Variants in LRMDA observed in about 807,000 individuals in gnomAD.
LRMDA encodes leucine rich melanocyte differentiation associated, also known as leucine-rich melanocyte differentiation-associated protein.
A neutral mutation model predicts 29.8 loss-of-function variants in LRMDA; 18 were observed. That is an observed-to-expected ratio of 0.60 (90% confidence interval 0.42 to 0.90). LRMDA has a LOEUF of 0.90. LRMDA is among the 40% of genes least tolerant of loss of function. The pLI is 0.00. For missense variants in LRMDA, 273 were observed against 273.9 expected (o/e 1.00, Z 0.02); for synonymous variants, 125 against 109.4 (o/e 1.14, Z -0.89).
intron 6 of LRMDA, among the ~76,000 whole-genome samples, chr10:76,479,288 AT>A (rs916481244): frequency 2.0e-5 from 3 of 151,810 alleles, no homozygotes; most frequent in Admixed American, 6.6e-5. Flanking sequence ...GTACTAGGCA[AT>A]GTGGGGCAAG....
At chr10:76,541,152 T>C (rs1843349734) in intron 6 of LRMDA, among the ~76,000 whole-genome samples, 1 of 152,166 alleles carries the variant, frequency 6.6e-6, no homozygotes, top group African/African-American at 2.4e-5. Flanking sequence ...AGGGATCTTC[T>C]AGGCTGGTGA....
intron 5 of LRMDA, among the ~76,000 whole-genome samples, chr10:76,184,096 T>C (rs1468045499): frequency 6.6e-6 from 1 of 151,404 alleles, no homozygotes; most frequent in Non-Finnish European, 1.5e-5. Context: ...AGTGGCACAA[T>C]CTCAGCTCAC....
rs77751345 is a variant in LRMDA at position 75,601,159 on chromosome 10, G to A, written c.131+162665G>A. The A allele has an allele frequency of 2.5e-3, 383 of 152,278 alleles. 5 individuals carry two copies. Among genetic ancestry groups the A allele is most frequent in the African/African-American group, 9.1e-3 (378 of 41,558 alleles). 9.4% of individuals were successfully genotyped at this position (152,278 alleles called of 1,614,324 possible). A position where few individuals can be genotyped will look rare whatever the true frequency, so the allele number is the denominator to read the frequency against. The stretch of plus-strand genomic sequence containing the variant: ...AGGGTTTGTAAAGTGAAGCTGTCAC[G>A]GGGACTCTGCGTGTTTGCTAATTAT... On this transcript the variant is annotated intron_variant, in intron 2 of 6. Coordinates refer to ENST00000611255, the MANE Select transcript of LRMDA (RefSeq NM_001305581.2).
chr10:75,803,328 A>G (rs1296182742), intron 2 of LRMDA, among the ~76,000 whole-genome samples: 2 of 152,194 alleles, frequency 1.3e-5, no homozygotes, highest in Non-Finnish European at 2.9e-5. Flanking sequence ...ATGGTGACAC[A>G]TTTCACAGGT....
intron 2 of LRMDA, among the ~76,000 whole-genome samples, chr10:75,875,599 A>AT (rs1414984207): frequency 6.6e-6 from 1 of 151,940 alleles, no homozygotes; most frequent in East Asian, 1.9e-4. Flanking sequence ...TGCCCAGCTA[A>AT]TTTTTTGCAT....
At chr10:75,598,541 A>G (rs1162315097) in intron 2 of LRMDA, among the ~76,000 whole-genome samples, 1 of 146,988 alleles carries the variant, frequency 6.8e-6, no homozygotes, top group Admixed American at 6.8e-5. Flanking sequence ...TTATTTAAAG[A>G]AAAAAAAAAA....
At chr10:76,018,611 A>C (rs1329041951) in intron 2 of LRMDA, among the ~76,000 whole-genome samples, 1 of 139,294 alleles carries the variant, frequency 7.2e-6, no homozygotes, top group African/African-American at 2.8e-5. Context: ...CTCTGTCACC[A>C]GGCTGGAGTG....
chr10:75,485,097 T>C (rs760023941), intron 2 of LRMDA, among the ~76,000 whole-genome samples: 4 of 152,252 alleles, frequency 2.6e-5, no homozygotes, highest in Non-Finnish European at 5.9e-5. Flanking sequence ...TTGTTAGTTA[T>C]CTCTGTTAAC....
chr10:75,922,445 G>C (rs1027085472), intron 2 of LRMDA, among the ~76,000 whole-genome samples: 1 of 152,122 alleles, frequency 6.6e-6, no homozygotes, highest in Non-Finnish European at 1.5e-5. Flanking sequence ...GTCCTTGTTG[G>C]GAGCCCTCTT....
intron 2 of LRMDA, among the ~76,000 whole-genome samples, chr10:75,848,826 T>C (rs948693245): frequency 6.6e-6 from 1 of 152,128 alleles, no homozygotes; most frequent in Non-Finnish European, 1.5e-5. Flanking sequence ...TCCTCTTTTC[T>C]CTTTGGGAGG....
At chr10:76,535,303 AG>A (rs1843278458) in intron 6 of LRMDA, among the ~76,000 whole-genome samples, 2 of 152,172 alleles carry the variant, frequency 1.3e-5, no homozygotes, top group South Asian at 4.1e-4. Context: ...TATGCTCTTG[AG>A]GGGGTTGGAA....
chr10:75,892,300 C>T (rs1261636519), intron 2 of LRMDA, among the ~76,000 whole-genome samples: 4 of 152,170 alleles, frequency 2.6e-5, no homozygotes, highest in Non-Finnish European at 4.4e-5. Context: ...ACTAGGGAAA[C>T]CTGGACTCCA....
chr10:76,148,899 C>T (rs767981129), intron 5 of LRMDA, among the ~76,000 whole-genome samples: 4 of 152,174 alleles, frequency 2.6e-5, no homozygotes, highest in Non-Finnish European at 5.9e-5. Flanking sequence ...GTGCACATGA[C>T]CTAGAGTTTC....
At chr10:76,388,640 G>A (rs1841688446) in intron 6 of LRMDA, among the ~76,000 whole-genome samples, 1 of 152,156 alleles carries the variant, frequency 6.6e-6, no homozygotes, top group Non-Finnish European at 1.5e-5. Flanking sequence ...CTTATTCTTG[G>A]AAGTCACACG....
At chr10:75,931,860 G>A (rs1270288641) in intron 2 of LRMDA, among the ~76,000 whole-genome samples, 1 of 152,144 alleles carries the variant, frequency 6.6e-6, no homozygotes, top group African/African-American at 2.4e-5. Flanking sequence ...AGGAGCCCAT[G>A]TTCACACATT....
At chr10:75,660,033 A>G (rs182450803) in intron 2 of LRMDA, among the ~76,000 whole-genome samples, 10 of 151,984 alleles carry the variant, frequency 6.6e-5, no homozygotes, top group East Asian at 1.9e-4. Context: ...CCCCATCCCC[A>G]TAGGAATGTG....
intron 5 of LRMDA, among the ~76,000 whole-genome samples, chr10:76,090,557 T>C (rs1849214724): frequency 6.6e-6 from 1 of 151,944 alleles, no homozygotes; most frequent in South Asian, 2.1e-4. Flanking sequence ...GAAAGCAGAG[T>C]CTCTAAGAGA....
chr10:76,305,121 T>C (rs1275509542), intron 5 of LRMDA, among the ~76,000 whole-genome samples: 2 of 152,106 alleles, frequency 1.3e-5, no homozygotes, highest in Non-Finnish European at 2.9e-5. Context: ...TACCCTTCTG[T>C]AATCTGTCTG....
chr10:76,126,018 G>A (rs1283480375), intron 5 of LRMDA, among the ~76,000 whole-genome samples: 1 of 152,196 alleles, frequency 6.6e-6, no homozygotes, highest in Non-Finnish European at 1.5e-5. Flanking sequence ...GGATAGCTAT[G>A]GAATGCAATT....
Sources: allele counts gnomAD v4.1 joint callset (sites outside exome capture counted in the v4.1 genomes callset), GRCh38; gene constraint gnomAD v4.1.1; transcripts MANE v1.5; gene names NCBI Gene and HGNC (gene_info 2026-07-23, HGNC 2026-07-21).